EFHB: variants seen among roughly 807,000 people sequenced by gnomAD.
EFHB encodes the protein EF-hand domain family member B, also known as EF-hand domain-containing family member B.
A neutral mutation model predicts 87.2 loss-of-function variants in EFHB; 91 were observed. The ratio of observed to expected loss-of-function variants is 1.04; its 90% CI spans 0.88 to 1.24. The LOEUF is 1.24. Among genes scored for constraint, EFHB ranks in the 50% most tolerant of loss-of-function variants. EFHB has a pLI of 0.00. For synonymous variants in EFHB, 325 were observed against 333.6 expected, an observed-to-expected ratio of 0.97 and a Z score of 0.28; for missense variants, 1,084 against 998.8, an observed-to-expected ratio of 1.09 and a Z score of -1.15.
Position 19,918,412 on chromosome 3 carries a change from C to A in EFHB, c.997G>T (p.Ala333Ser). The A allele has an allele frequency of 6.3e-7, 1 of 1,577,824 alleles. No individual in the cohort carries two copies. The highest frequency in any genetic ancestry group is 8.6e-7 in the Non-Finnish European group (1 of 1,166,924). The change falls in exon 4 of 13, where the codon GCA becomes TCA. Residue 333 changes from alanine (A) to serine (S), a missense_variant and splice_region_variant. Transcript: ENST00000295824. The part of the protein sequence containing the change: ...HGIRSKISVL[A>S]NTLINPQPIT... ...GGCTGTGGGTTTATCAATGTGTTTG[C>A]CTAAAGAAATCATACAATGCACAAA...
At chr3:19,908,706 A>G (rs150568692) in intron 5 of EFHB, among the ~76,000 whole-genome samples, 278 of 152,172 alleles carry the variant, frequency 1.8e-3, no homozygotes, top group African/African-American at 6.3e-3. Context: ...TGTATATTGT[A>G]TATTTCTGTA....
intron 5 of EFHB, among the ~76,000 whole-genome samples, chr3:19,911,653 C>T (rs1349795802): frequency 6.6e-6 from 1 of 151,858 alleles, no homozygotes; most frequent in Non-Finnish European, 1.5e-5. Context: ...CTGAAAAGTA[C>T]ATCAGTCTCT....
At position 19,940,758 on chromosome 3, in the gene EFHB, T is replaced by C. The variant is rs137855010; in HGVS notation, c.-31-4424A>G. Reference sequence around the variant, plus strand: ...ATTGGCATCAATATCAAATGTGACTTCAATGTGAGGAACACCTTGGAGTGC... The same window carrying C: ...ATTGGCATCAATATCAAATGTGACTCCAATGTGAGGAACACCTTGGAGTGC... On this transcript the variant is annotated intron_variant, in intron 1 of 14. Coordinates refer to the EFHB transcript ENST00000344838. The C allele has an allele frequency of 4.5e-3, 1,558 of 347,940 alleles. 9 individuals carry two copies. The highest frequency in any genetic ancestry group is 0.014 in the Middle Eastern group (13 of 902). 21.6% of individuals were successfully genotyped at this position (347,940 alleles called of 1,614,324 possible).
intron 5 of EFHB, among the ~76,000 whole-genome samples, chr3:19,908,617 A>AAAGC (rs1694944603): frequency 6.7e-6 from 1 of 148,608 alleles, no homozygotes; most frequent in Admixed American, 6.7e-5. Flanking sequence ...AGAAAGAAAG[A>AAAGC]AAGAAAGAAA....
chr3:19,921,753 T>C (rs1202624549), intron 1 of EFHB, among the ~76,000 whole-genome samples: 1 of 152,130 alleles, frequency 6.6e-6, no homozygotes, highest in African/African-American at 2.4e-5. Context: ...ACTGAGAAGA[T>C]GGAGAAGAGA....
upstream of EFHB, among the ~76,000 whole-genome samples, chr3:19,934,962 G>A (rs145771569): frequency 0.011 from 1,676 of 151,512 alleles, 13 homozygotes; most frequent in Non-Finnish European, 0.017. Context: ...CCAGGCTGGA[G>A]TGCAGTGGCA....
At position 19,882,600 on chromosome 3, in the gene EFHB, G is replaced by A. The variant is rs779534510; in HGVS notation, c.2278C>T (p.Arg760Trp). ...YSLLYPTIFA[R>W]KGVFERDFFK... Reference sequence around the variant, plus strand: ...AAGTCTCTTTCAAACACTCCTTTCCGGGCAAAAATGGTAGGATATAGTAGT... The same window carrying A: ...AAGTCTCTTTCAAACACTCCTTTCCAGGCAAAAATGGTAGGATATAGTAGT... Residue 760 changes from arginine to tryptophan, a missense_variant, in exon 12 of 13, where the codon CGG becomes TGG. Transcript: ENST00000295824. The A allele has an allele frequency of 6.2e-5, 100 of 1,611,044 alleles. No individual in the cohort carries two copies. The highest frequency in any genetic ancestry group is 6.7e-5 in the East Asian group (3 of 44,842).
intron 5 of EFHB, 24 bp downstream of exon 5, chr3:19,915,279 C>T: frequency 6.6e-7 from 1 of 1,515,680 alleles, no homozygotes; most frequent in African/African-American, 1.4e-5. Context: ...TCCTCAGGCC[C>T]ATTTTGCATC....
At chr3:19,926,206 A>T (rs1041993659) in intron 1 of EFHB, among the ~76,000 whole-genome samples, 1 of 152,074 alleles carries the variant, frequency 6.6e-6, no homozygotes, top group Non-Finnish European at 1.5e-5. Context: ...TTTGCATGAC[A>T]TTTGTCATAT....
intron 11 of EFHB, among the ~76,000 whole-genome samples, chr3:19,883,725 TG>T (rs2071740289): frequency 3.3e-5 from 5 of 151,998 alleles, no homozygotes; most frequent in Admixed American, 3.3e-4. Context: ...TCTTGTAAAA[TG>T]GAGAAATTTG....
At chr3:19,904,811 AG>A (rs1694784140) in intron 6 of EFHB, among the ~76,000 whole-genome samples, 1 of 152,168 alleles carries the variant, frequency 6.6e-6, no homozygotes, top group Non-Finnish European at 1.5e-5. Context: ...CTTTTTGTGG[AG>A]GGCGGGGCGG....
At chr3:19,898,674 TAGA>T in intron 8 of EFHB, 101 bp downstream of exon 8, 1 of 1,131,142 alleles carries the variant, frequency 8.8e-7, no homozygotes, top group Non-Finnish European at 1.3e-6. Flanking sequence ...TCTTTAAAAT[TAGA>T]AGCTTTGAAA....
chr3:19,906,078 T>C (rs774382015), intron 5 of EFHB, among the ~76,000 whole-genome samples: 2 of 152,226 alleles, frequency 1.3e-5, no homozygotes, highest in Non-Finnish European at 2.9e-5. Context: ...CCCAGCACTT[T>C]GTGAGGCCGA....
At chr3:19,934,374 C>G (rs1695954376), upstream of EFHB, 1 of 679,584 alleles carries the variant, frequency 1.5e-6, no homozygotes, top group Non-Finnish European at 1.9e-6. Context: ...CCTCTTCTCT[C>G]TCCTCTGTTT....
At chr3:19,899,642 A>T (rs560997399) in intron 6 of EFHB, 127 bp from the exon 7 acceptor site, 2 of 534,724 alleles carry the variant, frequency 3.7e-6, no homozygotes, top group African/African-American at 1.9e-5. Flanking sequence ...TTCAAAAGAA[A>T]CTCTCTGCTA....
intron 9 of EFHB, among the ~76,000 whole-genome samples, chr3:19,893,078 G>A (rs1429687083): frequency 6.6e-6 from 1 of 151,790 alleles, no homozygotes; most frequent in African/African-American, 2.4e-5. Context: ...AGCTTCCCGA[G>A]TAGCTAGGAT....
At chr3:19,904,379 T>C (rs758483448) in intron 6 of EFHB, among the ~76,000 whole-genome samples, 3 of 152,188 alleles carry the variant, frequency 2.0e-5, no homozygotes, top group Non-Finnish European at 2.9e-5. Context: ...TTTTTTGTTG[T>C]TTTCCCTAGA....
chr3:19,939,158 T>C (rs1034267738), upstream of EFHB, among the ~76,000 whole-genome samples: 1 of 140,342 alleles, frequency 7.1e-6, no homozygotes, highest in Admixed American at 7.0e-5. Context: ...CCACCTGCCT[T>C]GGCCTCCCAA....
chr3:19,903,646 G>T (rs1402993377), intron 6 of EFHB, among the ~76,000 whole-genome samples: 2 of 152,000 alleles, frequency 1.3e-5, no homozygotes. Flanking sequence ...GGGTTACTAT[G>T]ATACTGTAAA....
Sources: gnomAD v4.1 joint callset for allele counts (sites outside exome capture counted in the v4.1 genomes callset) on GRCh38, gnomAD v4.1.1 for gene constraint, MANE v1.5 for transcripts, NCBI Gene and HGNC (gene_info 2026-07-23, HGNC 2026-07-21) for gene names.